TNFAIP6: variants seen among roughly 807,000 people sequenced by gnomAD.
TNFAIP6 encodes TNF alpha induced protein 6.
A neutral mutation model predicts 33.7 loss-of-function variants in TNFAIP6; 36 were observed. The observed-to-expected ratio is 1.07, with a 90% confidence interval of 0.82 to 1.41. TNFAIP6 has a LOEUF of 1.41. TNFAIP6 is among the 40% of genes most tolerant of loss of function. The probability of loss-of-function intolerance (pLI) is 0.00; values close to 1 mark genes in which losing one functional copy is unlikely to be tolerated. For synonymous variants in TNFAIP6, 113 were observed against 112.8 expected, an observed-to-expected ratio of 1.00 and a Z score of -0.01; for missense variants, 273 against 331.9, an observed-to-expected ratio of 0.82 and a Z score of 1.38.
intron 1 of TNFAIP6, among the ~76,000 whole-genome samples, chr2:151,359,231 T>G (rs1426200434): frequency 6.6e-6 from 1 of 152,102 alleles, no homozygotes; most frequent in Non-Finnish European, 1.5e-5. Context: ...ATCAATATAA[T>G]CTTTTTAGAA....
chr2:151,359,062 C>A (rs1396512355), intron 1 of TNFAIP6, among the ~76,000 whole-genome samples: 1 of 151,966 alleles, frequency 6.6e-6, no homozygotes, highest in Non-Finnish European at 1.5e-5. Flanking sequence ...AAAATATAAA[C>A]CTGGACAATA....
Position 151,362,480 on chromosome 2 carries a change from CTTTTT to C in TNFAIP6, c.95-1437_95-1433del, listed in dbSNP as rs34640251. Among the ~76,000 whole-genome samples, 318 of 56,852 alleles carry C rather than the reference CTTTTT, an allele frequency of 5.6e-3. 2 individuals are homozygous for C. Among genetic ancestry groups the C allele is most frequent in the African/African-American group, 0.021 (251 of 12,008 alleles). The allele number at this position is 56,852 out of a possible 152,430, so 37.3% of individuals were successfully genotyped here. On this transcript the variant is annotated intron_variant, in intron 1 of 5. Coordinates refer to ENST00000243347, the MANE Select transcript of TNFAIP6 (RefSeq NM_007115.4). ...CAGTTTTTATTTGTCTTACTAAATT[CTTTTT>C]TTTTTTTTTTTTTTTTTTTTTTTTT...
intron 3 of TNFAIP6, among the ~76,000 whole-genome samples, 157 bp downstream of exon 3, chr2:151,366,374 C>T (rs1458542053): frequency 1.3e-5 from 2 of 151,926 alleles, no homozygotes; most frequent in South Asian, 4.2e-4. Context: ...ATACTATACC[C>T]GACATTGAGT....
chr2:151,364,771 C>A (rs765134935), intron 2 of TNFAIP6, among the ~76,000 whole-genome samples: 8 of 152,118 alleles, frequency 5.3e-5, no homozygotes, highest in Non-Finnish European at 1.2e-4. Flanking sequence ...GGATAACATC[C>A]GGCAAAGTTG....
chr2:151,366,063 T>C lies in TNFAIP6; in HGVS notation c.240T>C (p.His80=), dbSNP rs1684703744. The change falls in exon 3 of 6, where the codon CAT becomes CAC. Residue 80 remains histidine (H), a synonymous_variant. Coordinates refer to ENST00000243347, the MANE Select transcript of TNFAIP6 (RefSeq NM_007115.4). ...QLEAARKIGF[H]VCAAGWMAKG... Reference sequence around the variant, plus strand: ...CTCTTTTTCTTCTTGCAGGATTTCATGTCTGTGCTGCTGGATGGATGGCTA... The same window carrying C: ...CTCTTTTTCTTCTTGCAGGATTTCACGTCTGTGCTGCTGGATGGATGGCTA... 1.9e-6 allele frequency: 3 copies of C among 1,613,984 alleles called. No individual in the cohort carries two copies. The highest frequency in any genetic ancestry group is 2.2e-5 in the East Asian group (1 of 44,880).
chr2:151,369,613 A>C (rs570123367), intron 3 of TNFAIP6, among the ~76,000 whole-genome samples: 137 of 152,168 alleles, frequency 9.0e-4, no homozygotes, highest in South Asian at 1.7e-3. Flanking sequence ...TTTCCACACA[A>C]AAAAAATAAA....
Position 151,363,983 on chromosome 2 carries a change from C to T in TNFAIP6, c.135C>T (p.Gly45=). The change falls in exon 2 of 6, where the codon GGC becomes GGT. Residue 45 remains glycine, a synonymous_variant. Transcript: ENST00000243347. The part of the protein sequence containing the change: ...AGVYHREARS[G]KYKLTYAEAK... ...TGTACCACAGAGAAGCACGGTCTGGCAAATACAAGCTCACCTACGCAGAAG... is the reference window on the plus strand; with the variant it reads ...TGTACCACAGAGAAGCACGGTCTGGTAAATACAAGCTCACCTACGCAGAAG... 6.2e-7 allele frequency: 1 copy of T among 1,614,062 alleles called. No homozygotes were observed. The highest frequency in any genetic ancestry group is 1.1e-5 in the South Asian group (1 of 91,068).
At chr2:151,378,016 T>TG (rs1019524226) in intron 5 of TNFAIP6, among the ~76,000 whole-genome samples, 23 of 152,148 alleles carry the variant, frequency 1.5e-4, no homozygotes, top group African/African-American at 5.3e-4. Flanking sequence ...AGTGTTGTTG[T>TG]GGGGGTTAAA....
At chr2:151,377,781 T>C (rs1410643615) in intron 5 of TNFAIP6, among the ~76,000 whole-genome samples, 1 of 152,166 alleles carries the variant, frequency 6.6e-6, no homozygotes, top group East Asian at 1.9e-4. Flanking sequence ...TTTCTCTCAG[T>C]CTGTCTCGTG....
At position 151,366,162 on chromosome 2, in the gene TNFAIP6, T is replaced by G; in HGVS notation, c.339T>G (p.Tyr113Ter). Residue 113 changes from tyrosine (Y) to a stop codon, truncating the protein, a stop_gained, in exon 3 of 6, where the codon TAT becomes TAG. Transcript: ENST00000243347. LOFTEE classifies it high-confidence loss of function. ...TTGGAAAAACTGGCATTATTGATTA[T>G]GGAATCCGTCTCAATAGGAGTGAAA... Reference protein sequence around the residue: ...CGFGKTGIIDYGIRLNRSERW... With the variant: ...CGFGKTGIID The G allele has an allele frequency of 6.2e-7, 1 of 1,614,154 alleles. No homozygotes were observed. The highest frequency in any genetic ancestry group is 1.1e-5 in the South Asian group (1 of 91,084).
intron 4 of TNFAIP6, 140 bp from the exon 5 acceptor site, chr2:151,373,409 C>A: frequency 4.7e-6 from 2 of 423,978 alleles, no homozygotes; most frequent in Non-Finnish European, 4.3e-6. Flanking sequence ...CTTACAAATC[C>A]AGGTAAAATA....
intron 1 of TNFAIP6, among the ~76,000 whole-genome samples, chr2:151,360,632 TA>T (rs1210219719): frequency 7.9e-5 from 12 of 152,238 alleles, no homozygotes; most frequent in Non-Finnish European, 1.6e-4. Context: ...ATATTTTTAA[TA>T]AAACACCTTA....
At chr2:151,361,233 C>G (rs1684619858) in intron 1 of TNFAIP6, among the ~76,000 whole-genome samples, 1 of 152,120 alleles carries the variant, frequency 6.6e-6, no homozygotes, top group African/African-American at 2.4e-5. Context: ...CACCACCACA[C>G]CCGGCTAATC....
At chr2:151,369,118 T>C (rs1684767502) in intron 3 of TNFAIP6, among the ~76,000 whole-genome samples, 1 of 152,008 alleles carries the variant, frequency 6.6e-6, no homozygotes, top group Admixed American at 6.6e-5. Flanking sequence ...TCTTGAACAA[T>C]TGCAGAGGCT....
chr2:151,370,387 A>T, intron 4 of TNFAIP6, 139 bp downstream of exon 4: 1 of 678,850 alleles, frequency 1.5e-6, no homozygotes. Context: ...TCATTTTTCA[A>T]CAAAGATTTT....
intron 5 of TNFAIP6, among the ~76,000 whole-genome samples, chr2:151,376,829 A>G (rs1187544398): frequency 2.1e-5 from 3 of 145,600 alleles, no homozygotes; most frequent in Non-Finnish European, 4.5e-5. Flanking sequence ...AAAAAAATAG[A>G]TTCCTACAGT....
rs969629753 is a variant in TNFAIP6, at chr2:151,379,692, C to T, written c.*159C>T. 1.2e-4 allele frequency: 57 copies of T among 492,252 alleles called. No individual in the cohort carries two copies. The highest frequency in any genetic ancestry group is 3.9e-4 in the South Asian group (7 of 18,144). 30.5% of individuals were successfully genotyped at this position (492,252 alleles called of 1,614,324 possible). ...ATTGGAAAATATAGGAAACTTTAAA[C>T]GAGAAAATGAAACCTCTCATAATCC... On this transcript the variant is annotated 3_prime_UTR_variant, in exon 6 of 6. Coordinates refer to ENST00000243347, the MANE Select transcript of TNFAIP6 (RefSeq NM_007115.4).
At chr2:151,359,556 T>C (rs1684590585) in intron 1 of TNFAIP6, among the ~76,000 whole-genome samples, 1 of 151,988 alleles carries the variant, frequency 6.6e-6, no homozygotes, top group East Asian at 1.9e-4. Flanking sequence ...GCCTGGCTAA[T>C]TTTTTGTATT....
Position 151,366,099 on chromosome 2 carries a change from T to C in TNFAIP6, c.276T>C (p.Val92=). 1 of 1,614,162 alleles carries C rather than the reference T, an allele frequency of 6.2e-7. No individual in the cohort carries two copies. The highest frequency in any genetic ancestry group is 1.1e-5 in the South Asian group (1 of 91,088). The change falls in exon 3 of 6, where the codon GTT becomes GTC. Residue 92 remains valine (V), a synonymous_variant. Transcript: ENST00000243347. ...CAAGWMAKGR[V]GYPIVKPGPN... The stretch of plus-strand genomic sequence containing the variant: ...CTGGATGGATGGCTAAGGGCAGAGT[T>C]GGATACCCCATTGTGAAGCCAGGGC...
Sources: allele counts gnomAD v4.1 joint callset (sites outside exome capture counted in the v4.1 genomes callset), GRCh38; gene constraint gnomAD v4.1.1; transcripts MANE v1.5; gene names NCBI Gene and HGNC (gene_info 2026-07-23, HGNC 2026-07-21).